Variants in HPRT1 observed in about 807,000 individuals in gnomAD.
HPRT1 encodes the protein hypoxanthine-guanine phosphoribosyltransferase.
Under a neutral mutation model 19.0 loss-of-function variants are expected in HPRT1, and 4 were observed. The ratio of observed to expected loss-of-function variants is 0.21; its 90% CI spans 0.10 to 0.48. The LOEUF is 0.48. HPRT1 is among the 20% of genes least tolerant of loss of function. The pLI, the probability that HPRT1 is intolerant of heterozygous loss-of-function variation, is 0.98. For missense variants in HPRT1, 65 were observed against 164.0 expected, an observed-to-expected ratio of 0.40 and a Z score of 3.30; for synonymous variants, 53 against 54.9, an observed-to-expected ratio of 0.97 and a Z score of 0.15.
At chrX:134,477,020 T>C (rs1391854141) in intron 3 of HPRT1, among the ~76,000 whole-genome samples, 1 of 52,602 alleles carries the variant, frequency 1.9e-5, no homozygotes, top group Admixed American at 2.8e-4. Context: ...GATATGTTTA[T>C]TTTATTTTAT....
chrX:134,483,714 G>C (rs2077645557), intron 3 of HPRT1, among the ~76,000 whole-genome samples: 1 of 111,789 alleles, frequency 8.9e-6, no homozygotes, highest in African/African-American at 3.3e-5. Context: ...GGTTCGCGCA[G>C]TTCCTTTGGC....
At chrX:134,472,031 A>G (rs1484402951) in intron 1 of HPRT1, among the ~76,000 whole-genome samples, 1 of 110,898 alleles carries the variant, frequency 9.0e-6, no homozygotes, top group Non-Finnish European at 1.9e-5. Context: ...GTGCTGTGGT[A>G]TGATCGTAGC....
chrX:134,497,460 T>C (rs1025269471), intron 6 of HPRT1, among the ~76,000 whole-genome samples: 14 of 108,171 alleles, frequency 1.3e-4, no homozygotes, highest in Non-Finnish European at 2.7e-4. Context: ...GGAGAAACCC[T>C]GTCTCTACTA....
At chrX:134,488,412 C>T (rs2077658842) in intron 4 of HPRT1, among the ~76,000 whole-genome samples, 1 of 111,041 alleles carries the variant, frequency 9.0e-6, no homozygotes, top group South Asian at 3.8e-4. Context: ...ACCGGGATTA[C>T]GGGTGTGAGC....
intron 6 of HPRT1, among the ~76,000 whole-genome samples, chrX:134,493,999 A>G (rs1200726715): frequency 8.9e-6 from 1 of 112,143 alleles, no homozygotes; most frequent in East Asian, 2.8e-4. Flanking sequence ...GTGAAATTTT[A>G]TAATGCCTGC....
At chrX:134,499,894 T>A (rs2077691152) in intron 8 of HPRT1, 136 bp from the exon 9 acceptor site, 1 of 483,260 alleles carries the variant, frequency 2.1e-6, no homozygotes, top group Non-Finnish European at 3.7e-6. Flanking sequence ...AAGTTACTGA[T>A]CTAAAATACA....
chrX:134,478,022 T>C (rs1053857580), intron 3 of HPRT1, among the ~76,000 whole-genome samples: 2 of 112,124 alleles, frequency 1.8e-5, no homozygotes, highest in Non-Finnish European at 3.8e-5. Flanking sequence ...GCTTGTCATG[T>C]AAGATATTCA....
At chrX:134,482,609 TGGGAC>T (rs1489230931) in intron 3 of HPRT1, among the ~76,000 whole-genome samples, 1 of 111,438 alleles carries the variant, frequency 9.0e-6, no homozygotes, top group Non-Finnish European at 1.9e-5. Flanking sequence ...GGCTACCGTA[TGGGAC>T]AGTGTAGTAC....
intron 3 of HPRT1, among the ~76,000 whole-genome samples, chrX:134,481,505 CTCTATCTATCTATCTA>C (rs35832135): frequency 0.012 from 1,189 of 96,145 alleles, 15 homozygotes; most frequent in African/African-American, 0.033. Context: ...ATCTGTCTAT[CTCTATCTATCTATCTA>C]TCTATCTATC....
intron 2 of HPRT1, among the ~76,000 whole-genome samples, chrX:134,474,029 A>G (rs1298959489): frequency 8.9e-6 from 1 of 112,417 alleles, no homozygotes; most frequent in Non-Finnish European, 1.9e-5. Context: ...AGCACTGGCT[A>G]TGCATGTATA....
intron 3 of HPRT1, among the ~76,000 whole-genome samples, chrX:134,475,785 T>G (rs2077623474): frequency 9.1e-6 from 1 of 110,447 alleles, no homozygotes; most frequent in Non-Finnish European, 1.9e-5. Flanking sequence ...ATTGAAGAAA[T>G]CCCCCTTTTT....
chrX:134,498,197 C>T (rs1017100072), intron 6 of HPRT1, among the ~76,000 whole-genome samples, 193 bp from the exon 7 acceptor site: 3 of 111,972 alleles, frequency 2.7e-5, no homozygotes, highest in African/African-American at 9.7e-5. Context: ...GTAGTGTCAA[C>T]TCATTGCTGC....
intron 1 of HPRT1, among the ~76,000 whole-genome samples, chrX:134,468,126 A>G (rs2077601734): frequency 9.1e-6 from 1 of 110,202 alleles, no homozygotes; most frequent in African/African-American, 3.3e-5. Context: ...TTTTTTTTAA[A>G]TAGCAATTTA....
In HPRT1 at chrX:134,498,372, A is replaced by G. The variant is rs1328914324; in HGVS notation, c.486-18A>G. 8.5e-7 allele frequency: 1 copy of G among 1,179,691 alleles called. No individual in the cohort carries two copies. The highest frequency in any genetic ancestry group is 3.0e-5 in the East Asian group (1 of 33,714). On this transcript the variant is annotated intron_variant, in intron 6 of 8. Transcript: ENST00000298556. ...GTAGTCTCTCTGTATGTTATATGTC[A>G]CATTTTGTAATTAACAGCTTGCTGG...
At chrX:134,496,291 T>C (rs2077680191) in intron 6 of HPRT1, among the ~76,000 whole-genome samples, 1 of 112,083 alleles carries the variant, frequency 8.9e-6, no homozygotes, top group African/African-American at 3.2e-5. Context: ...TGGTATCTCA[T>C]TGTGGTTTTG....
At chrX:134,481,640 G>T (rs757974785) in intron 3 of HPRT1, among the ~76,000 whole-genome samples, 1 of 110,839 alleles carries the variant, frequency 9.0e-6, no homozygotes, top group Non-Finnish European at 1.9e-5. Context: ...GCAGGAATGG[G>T]GATGTGTATT....
chrX:134,472,388 G>A (rs767348733), intron 1 of HPRT1, among the ~76,000 whole-genome samples: 4 of 111,168 alleles, frequency 3.6e-5, no homozygotes, highest in Non-Finnish European at 5.6e-5. Context: ...ATGAATACCC[G>A]TATGTTCATC....
chrX:134,474,509 T>A, intron 2 of HPRT1, among the ~76,000 whole-genome samples: 1 of 106,644 alleles, frequency 9.4e-6, no homozygotes, highest in Non-Finnish European at 1.9e-5. Flanking sequence ...AGTCTCAACC[T>A]CCTGGGTTCA....
In HPRT1 at chrX:134,460,517, C is replaced by T. The variant is rs1216699292; in HGVS notation, c.27+179C>T. On this transcript the variant is annotated intron_variant, in intron 1 of 8. Coordinates refer to ENST00000298556, the MANE Select transcript of HPRT1 (RefSeq NM_000194.3). ...CGTCACGCGAGGGCGGCAGGGAGGACGGAATGGCGGGGTTTGGGGTGGGTC... is the reference window on the plus strand; with the variant it reads ...CGTCACGCGAGGGCGGCAGGGAGGATGGAATGGCGGGGTTTGGGGTGGGTC... 1.4e-5 allele frequency: 4 copies of T among 283,273 alleles called. No homozygotes were observed. In the South Asian group the frequency reaches 6.7e-4, roughly 47 times the overall value. 23.3% of individuals were successfully genotyped at this position (283,273 alleles called of 1,213,427 possible). A position where few individuals can be genotyped will look rare whatever the true frequency, so the allele number is the denominator to read the frequency against.
Sources: gnomAD v4.1 joint callset for allele counts (sites outside exome capture counted in the v4.1 genomes callset) on GRCh38, gnomAD v4.1.1 for gene constraint, MANE v1.5 for transcripts, NCBI Gene and HGNC (gene_info 2026-07-23, HGNC 2026-07-21) for gene names.